The following CEP104 variants were observed in gnomAD, a reference collection of about 807,000 sequenced individuals.
CEP104 encodes the protein centrosomal protein 104, also known as centrosomal protein of 104 kDa.
CEP104 carries 84 observed loss-of-function variants against 113.3 expected under a neutral mutation model. The ratio of observed to expected loss-of-function variants is 0.74; its 90% CI spans 0.62 to 0.89. The LOEUF (loss-of-function observed/expected upper bound fraction) is 0.89, where lower values mean the gene tolerates loss of function less well. Ranked by LOEUF, CEP104 falls within the 40% of genes least tolerant of loss-of-function variation. The pLI, the probability that CEP104 is intolerant of heterozygous loss-of-function variation, is 0.00. For synonymous variants in CEP104, 378 were observed against 421.7 expected (o/e 0.90, Z 1.27); for missense variants, 1,053 against 1,156.6 (o/e 0.91, Z 1.30).
Position 3,838,909 on chromosome 1 carries a change from T to C in CEP104, c.891+55A>G. On this transcript the variant is annotated intron_variant, in intron 8 of 21. Coordinates refer to ENST00000378230, the MANE Select transcript of CEP104 (RefSeq NM_014704.4). ...CTATCCACTGTTGTGAACCACACAGTTGAATCTCTGTTCTCCTAGGCTTTC... is the reference window on the plus strand; with the variant it reads ...CTATCCACTGTTGTGAACCACACAGCTGAATCTCTGTTCTCCTAGGCTTTC... 3 of 1,589,654 alleles carry C rather than the reference T, an allele frequency of 1.9e-6. No homozygotes were observed. The East Asian group carries it at 6.7e-5, about 36-fold the overall frequency.
At chr1:3,842,088 T>C (rs1412891122) in intron 6 of CEP104, among the ~76,000 whole-genome samples, 1 of 97,314 alleles carries the variant, frequency 1.0e-5, no homozygotes, top group African/African-American at 3.3e-5. Flanking sequence ...GGTGTTATTT[T>C]TTTATTTTTA....
rs1643820500 is a variant in CEP104 at position 3,813,013 on chromosome 1, A to G, written c.*2389T>C. 1 of 151,918 alleles carries G rather than the reference A, an allele frequency of 6.6e-6. No homozygotes were observed. The allele number at this position is 151,918 out of a possible 1,614,324, so 9.4% of individuals were successfully genotyped here. A position where few individuals can be genotyped will look rare whatever the true frequency, so the allele number is the denominator to read the frequency against. ...GTTACAATATATAGAAGGCATGTGTATATGTGTGTATATATATATATATAT... is the reference window on the plus strand; with the variant it reads ...GTTACAATATATAGAAGGCATGTGTGTATGTGTGTATATATATATATATAT... On this transcript the variant is annotated 3_prime_UTR_variant, in exon 22 of 22. Transcript: ENST00000378230.
chr1:3,847,342 G>T, intron 4 of CEP104, 133 bp downstream of exon 4: 1 of 936,836 alleles, frequency 1.1e-6, no homozygotes, highest in Non-Finnish European at 1.6e-6. Context: ...AGCTCAGAGA[G>T]CTCAGCAGTC....
rs1274097605 is a variant in CEP104 at position 3,819,821 on chromosome 1, C to T, written c.2571+3353G>A. Among the ~76,000 whole-genome samples the T allele has an allele frequency of 6.6e-6, 1 of 152,208 alleles. No homozygotes were observed. Among genetic ancestry groups the T allele is most frequent in the Non-Finnish European group, 1.5e-5 (1 of 68,030 alleles). The stretch of plus-strand genomic sequence containing the variant: ...AATTAGAAAGACGTGTCTCAGCAGG[C>T]TGGAGTGGCAGAGTCTCCTGCTGGC... On this transcript the variant is annotated intron_variant, in intron 20 of 21. Coordinates refer to ENST00000378230, the MANE Select transcript of CEP104 (RefSeq NM_014704.4). This position sits in a 1 kb window ranked among gnomAD's most constrained non-coding sequence, Gnocchi z 4.6.
chr1:3,851,096 G>A (rs116787782), intron 2 of CEP104, among the ~76,000 whole-genome samples: 2 of 152,096 alleles, frequency 1.3e-5, no homozygotes, highest in African/African-American at 2.4e-5. Flanking sequence ...AGGCTGGACC[G>A]TGTTAATGCT....
In CEP104 at chr1:3,834,905, C is replaced by A. The variant is rs368037840; in HGVS notation, c.1485+20G>T. On this transcript the variant is annotated intron_variant, in intron 11 of 21. Coordinates refer to ENST00000378230, the MANE Select transcript of CEP104 (RefSeq NM_014704.4). Reference sequence around the variant, plus strand: ...TCTCATCCATGCACGCTGGAGCCAGCGCCAGCTGAGGGCACTCACGGAGGT... The same window carrying A: ...TCTCATCCATGCACGCTGGAGCCAGAGCCAGCTGAGGGCACTCACGGAGGT... 6.4e-7 allele frequency: 1 copy of A among 1,562,546 alleles called. No individual in the cohort carries two copies. Among genetic ancestry groups the A allele is most frequent in the East Asian group, 2.4e-5 (1 of 42,544 alleles).
rs529114647 is a variant in CEP104 at position 3,832,513 on chromosome 1, C to T, written c.1660-1291G>A. Among the ~76,000 whole-genome samples, 125 of 131,048 alleles carry T rather than the reference C, an allele frequency of 9.5e-4. 6 individuals are homozygous for T. Among genetic ancestry groups the T allele is most frequent in the African/African-American group, 3.2e-3 (116 of 36,656 alleles). 86.0% of individuals were successfully genotyped at this position (131,048 alleles called of 152,430 possible). On this transcript the variant is annotated intron_variant, in intron 12 of 21. Coordinates refer to ENST00000378230, the MANE Select transcript of CEP104 (RefSeq NM_014704.4). ...TCGTGACCAGGAGTGTAGTGTAGGT[C>T]GTGACCAGGAGTGTAGTGTAGGTCA...
intron 12 of CEP104, among the ~76,000 whole-genome samples, 173 bp from the exon 13 acceptor site, chr1:3,831,395 C>G (rs1431618890): frequency 6.6e-6 from 1 of 152,030 alleles, no homozygotes; most frequent in African/African-American, 2.4e-5. Context: ...CTATTTAAAG[C>G]GTAACAACCA....
At chr1:3,836,791 G>C in intron 9 of CEP104, 99 bp from the exon 10 acceptor site, 4 of 927,216 alleles carry the variant, frequency 4.3e-6, no homozygotes, top group Non-Finnish European at 6.6e-6. Flanking sequence ...TTACTTACCT[G>C]ATCTGAAAGA....
At chr1:3,845,241 A>T (rs1335763066) in intron 5 of CEP104, 48 bp downstream of exon 5, 1 of 1,291,820 alleles carries the variant, frequency 7.7e-7, no homozygotes, top group Admixed American at 2.0e-5. Context: ...ACTCCCTCCC[A>T]TTATAAATAG....
intron 6 of CEP104, among the ~76,000 whole-genome samples, chr1:3,842,385 G>A (rs1279699423): frequency 6.6e-6 from 1 of 152,168 alleles, no homozygotes; most frequent in East Asian, 1.9e-4. Context: ...CGGCCTTGGT[G>A]TTATTTTTTT....
intron 2 of CEP104, among the ~76,000 whole-genome samples, chr1:3,849,180 G>A (rs1644565299): frequency 6.6e-6 from 1 of 151,868 alleles, no homozygotes; most frequent in South Asian, 2.1e-4. Flanking sequence ...TATTTAAGGA[G>A]TGCCTGCCTT....
rs946189199 is a variant in CEP104, at chr1:3,823,576, T to C, written c.2365-14A>G. 3 of 1,614,110 alleles carry C rather than the reference T, an allele frequency of 1.9e-6. No homozygotes were observed. The highest frequency in any genetic ancestry group is 2.2e-5 in the East Asian group (1 of 44,878). The stretch of plus-strand genomic sequence containing the variant: ...TATCTCGACCACCTGGATTTCGAAA[T>C]ACAGAGCAAAGCATGTTGCTGAGAA... On this transcript the variant is annotated splice_polypyrimidine_tract_variant and intron_variant, in intron 18 of 21. Transcript: ENST00000378230. The surrounding 1 kb of genome is among the most constrained non-coding windows in gnomAD (Gnocchi z 4.1).
At chr1:3,856,698 G>A (rs889695751) in intron 1 of CEP104, among the ~76,000 whole-genome samples, 191 bp downstream of exon 1, 9 of 152,250 alleles carry the variant, frequency 5.9e-5, no homozygotes, top group African/African-American at 2.2e-4. Context: ...CGGCACGACG[G>A]GGCCGCGCCG....
rs2275828 is a variant in CEP104 at position 3,830,019 on chromosome 1, G to T, written c.1837-22C>A. On this transcript the variant is annotated intron_variant, in intron 13 of 21. Transcript: ENST00000378230. Reference sequence around the variant, plus strand: ...AAAACTAAAGTTGGGAGGGGCTCTTGTTACTCATTCTTAAAATAAAACTAA... The same window carrying T: ...AAAACTAAAGTTGGGAGGGGCTCTTTTTACTCATTCTTAAAATAAAACTAA... 0.42 allele frequency: 650,427 copies of T among 1,562,438 alleles called. 137,776 individuals are homozygous for T. Among genetic ancestry groups the T allele is most frequent in the Non-Finnish European group, 0.44 (503,594 of 1,134,464 alleles).
intron 10 of CEP104, among the ~76,000 whole-genome samples, chr1:3,835,838 T>A (rs948785641): frequency 6.6e-6 from 1 of 152,210 alleles, no homozygotes; most frequent in Non-Finnish European, 1.5e-5. Context: ...TCTTAGCTCA[T>A]GTTTTTGCTG....
At chr1:3,843,793 G>A (rs1209035186) in intron 6 of CEP104, among the ~76,000 whole-genome samples, 4 of 150,796 alleles carry the variant, frequency 2.7e-5, no homozygotes, top group East Asian at 1.9e-4. Context: ...ATGGAGTCTT[G>A]CTCTATCGCC....
chr1:3,833,715 A>G (rs1299914235), intron 12 of CEP104, 147 bp downstream of exon 12: 2 of 696,614 alleles, frequency 2.9e-6, no homozygotes, highest in Non-Finnish European at 4.5e-6. Context: ...CTGACCTTTT[A>G]GAGCATAAGG....
intron 2 of CEP104, among the ~76,000 whole-genome samples, chr1:3,849,266 CTTT>C (rs59794257): frequency 4.2e-4 from 54 of 127,340 alleles, no homozygotes; most frequent in Admixed American, 4.7e-4. Context: ...AGTGACATAA[CTTT>C]TTTTTTTTTT....
Sources: gnomAD v4.1 joint callset for allele counts (sites outside exome capture counted in the v4.1 genomes callset) on GRCh38, gnomAD v4.1.1 for gene constraint, Gnocchi (gnomAD v3.1) non-coding constraint, MANE v1.5 for transcripts, NCBI Gene and HGNC (gene_info 2026-07-23, HGNC 2026-07-21) for gene names.